Variants in C6orf89 observed in about 807,000 individuals in gnomAD.
C6orf89 encodes bombesin receptor-activated protein C6orf89.
Under a neutral mutation model 40.7 loss-of-function variants are expected in C6orf89, and 29 were observed. That is an observed-to-expected ratio of 0.71 (90% CI 0.53 to 0.97). The LOEUF (loss-of-function observed/expected upper bound fraction) is 0.97. C6orf89 is among the 50% of genes least tolerant of loss of function. C6orf89 has a pLI of 0.00. For synonymous variants in C6orf89, 165 were observed against 152.2 expected (o/e 1.08, Z -0.62); for missense variants, 392 against 429.1 (o/e 0.91, Z 0.76).
chr6:36,876,347 C>T (rs1387181232), intron 1 of C6orf89, among the ~76,000 whole-genome samples: 1 of 152,150 alleles, frequency 6.6e-6, no homozygotes, highest in Non-Finnish European at 1.5e-5. Flanking sequence ...ACACACAGTG[C>T]CCTGCCCTAA....
rs376464637 is a variant in C6orf89, at chr6:36,923,458, C to A, written c.*17C>A. 17 of 1,592,786 alleles carry A rather than the reference C, an allele frequency of 1.1e-5. No homozygotes were observed. The African/African-American group carries it at 2.1e-4, about 20-fold the overall frequency. ...GAACTGTAGGAAATAGAACTGTGCA[C>A]AGGAACAGCTTCCAGAGCCGAAAAC... On this transcript the variant is annotated 3_prime_UTR_variant, in exon 9 of 9. Coordinates refer to ENST00000480824, the MANE Select transcript of C6orf89 (RefSeq NM_001286635.2).
rs1166923302 is a variant in C6orf89 at position 36,914,620 on chromosome 6, G to T, written c.622G>T (p.Gly208Cys). Residue 208 changes from glycine (G) to cysteine (C), a missense_variant, in exon 6 of 9, where the codon GGC becomes TGC. By Grantham distance (159) the Gly-to-Cys change is radical. Coordinates refer to ENST00000480824, the MANE Select transcript of C6orf89 (RefSeq NM_001286635.2). The stretch of plus-strand genomic sequence containing the variant: ...GTGCCAGTACCCTGAGGCGACAGAA[G>T]GCTTCTCTGAAGGGTTTTTCGCCAA... Reference protein sequence around the residue: ...FLCQYPEATEGFSEGFFAKWW... With the variant: ...FLCQYPEATECFSEGFFAKWW... The T allele has an allele frequency of 1.2e-6, 2 of 1,614,272 alleles. No individual in the cohort carries two copies. The highest frequency in any genetic ancestry group is 1.7e-6 in the Non-Finnish European group (2 of 1,180,052).
chr6:36,898,921 C>G (rs955067215), intron 2 of C6orf89, among the ~76,000 whole-genome samples: 1 of 152,162 alleles, frequency 6.6e-6, no homozygotes, highest in Non-Finnish European at 1.5e-5. Context: ...CTGCCAAGAA[C>G]AAAGCTTATC....
intron 6 of C6orf89, among the ~76,000 whole-genome samples, chr6:36,915,281 G>A (rs1762275285): frequency 1.3e-5 from 2 of 152,188 alleles, no homozygotes; most frequent in African/African-American, 4.8e-5. Flanking sequence ...GGGGCCTCAT[G>A]CAGGGGGCTG....
intron 7 of C6orf89, 43 bp downstream of exon 7, chr6:36,916,617 T>C (rs374930621): frequency 2.7e-5 from 44 of 1,612,620 alleles, no homozygotes; most frequent in Non-Finnish European, 3.6e-5. Context: ...TTTTCTTTAT[T>C]TGGGACCTGG....
chr6:36,890,687 C>T (rs974481223), intron 1 of C6orf89, among the ~76,000 whole-genome samples: 3 of 152,084 alleles, frequency 2.0e-5, no homozygotes, highest in South Asian at 2.1e-4. Flanking sequence ...GCATGCGTCA[C>T]CATGCCTGGC....
chr6:36,874,899 G>T, intron 1 of C6orf89: 1 of 1,062,358 alleles, frequency 9.4e-7, no homozygotes, highest in Non-Finnish European at 1.4e-6. Context: ...GGGTGGCCAA[G>T]ACAAGGAAGA....
intron 3 of C6orf89, among the ~76,000 whole-genome samples, chr6:36,901,289 GTATTAT>G (rs1337857767): frequency 0.015 from 1,220 of 78,758 alleles, 18 homozygotes; most frequent in Non-Finnish European, 0.019. Context: ...GCCCCTTTGT[GTATTAT>G]TATTATTATT....
At chr6:36,890,463 A>G (rs1761158820) in intron 1 of C6orf89, among the ~76,000 whole-genome samples, 1 of 152,176 alleles carries the variant, frequency 6.6e-6, no homozygotes, top group Non-Finnish European at 1.5e-5. Flanking sequence ...CCGTATTGTT[A>G]CAAATAGCAG....
At chr6:36,911,569 G>GTGC (rs1762126334) in intron 4 of C6orf89, among the ~76,000 whole-genome samples, 1 of 152,048 alleles carries the variant, frequency 6.6e-6, no homozygotes. Flanking sequence ...GAGCTGCTCG[G>GTGC]TGCTAGCCCA....
chr6:36,917,061 A>G (rs1762348869), intron 7 of C6orf89, among the ~76,000 whole-genome samples: 1 of 152,164 alleles, frequency 6.6e-6, no homozygotes, highest in Non-Finnish European at 1.5e-5. Flanking sequence ...TTTCAAAAAA[A>G]GAAAAGAAAG....
At chr6:36,898,471 G>T (rs922100759) in intron 2 of C6orf89, among the ~76,000 whole-genome samples, 2 of 151,602 alleles carry the variant, frequency 1.3e-5, no homozygotes, top group Non-Finnish European at 2.9e-5. Context: ...TAGAGGCGGG[G>T]TTTCTCCGTG....
At chr6:36,901,315 A>ATT (rs1561865427) in intron 3 of C6orf89, among the ~76,000 whole-genome samples, 83 of 29,196 alleles carry the variant, frequency 2.8e-3, no homozygotes, top group Non-Finnish European at 5.3e-3. Context: ...TATTATTATT[A>ATT]TTATTATTTT....
At chr6:36,908,446 T>A (rs887818025) in intron 4 of C6orf89, among the ~76,000 whole-genome samples, 2 of 144,120 alleles carry the variant, frequency 1.4e-5, no homozygotes, top group Non-Finnish European at 3.0e-5. Context: ...GGTGTAATAT[T>A]TTGATATTTA....
chr6:36,914,610 G>A lies in C6orf89; in HGVS notation c.612G>A (p.Glu204=), dbSNP rs765170958. 1 of 1,614,258 alleles carries A rather than the reference G, an allele frequency of 6.2e-7. No individual in the cohort carries two copies. Among genetic ancestry groups the A allele is most frequent in the Non-Finnish European group, 8.5e-7 (1 of 1,180,044 alleles). ...EIQHFLCQYP[E]ATEGFSEGFF... Reference sequence around the variant, plus strand: ...AGCATTTTTTGTGCCAGTACCCTGAGGCGACAGAAGGCTTCTCTGAAGGGT... The same window carrying A: ...AGCATTTTTTGTGCCAGTACCCTGAAGCGACAGAAGGCTTCTCTGAAGGGT... Residue 204 remains glutamate, a synonymous_variant, in exon 6 of 9, where the codon GAG becomes GAA. Coordinates refer to ENST00000480824, the MANE Select transcript of C6orf89 (RefSeq NM_001286635.2).
At chr6:36,909,915 T>G (rs1437270256) in intron 4 of C6orf89, among the ~76,000 whole-genome samples, 2 of 152,196 alleles carry the variant, frequency 1.3e-5, no homozygotes, top group African/African-American at 4.8e-5. Flanking sequence ...TAGGAAGCCT[T>G]CCTTGTCCCA....
At chr6:36,920,034 C>T (rs1303289067) in intron 8 of C6orf89, among the ~76,000 whole-genome samples, 1 of 152,190 alleles carries the variant, frequency 6.6e-6, no homozygotes, top group Non-Finnish European at 1.5e-5. Flanking sequence ...GAGGTGACCA[C>T]CCCAAGGCCC....
At chr6:36,896,162 C>T (rs1761422924) in intron 2 of C6orf89, among the ~76,000 whole-genome samples, 1 of 152,174 alleles carries the variant, frequency 6.6e-6, no homozygotes, top group Non-Finnish European at 1.5e-5. Flanking sequence ...GGCTGGAGTG[C>T]AGTGGTGTAA....
At chr6:36,881,535 G>A (rs1442618820), upstream of C6orf89, among the ~76,000 whole-genome samples, 3 of 152,242 alleles carry the variant, frequency 2.0e-5, no homozygotes, top group South Asian at 4.1e-4. Context: ...TTAGCCAGGC[G>A]TGGTGTTGCA....
Sources: gnomAD v4.1 joint callset for allele counts (sites outside exome capture counted in the v4.1 genomes callset) on GRCh38, gnomAD v4.1.1 for gene constraint, MANE v1.5 for transcripts, NCBI Gene and HGNC (gene_info 2026-07-23, HGNC 2026-07-21) for gene names.